The following GABRA3 variants were observed in gnomAD, a reference collection of about 807,000 sequenced individuals.
GABRA3 encodes gamma-aminobutyric acid type A receptor subunit alpha3.
Under a neutral mutation model 30.1 loss-of-function variants are expected in GABRA3, and 10 were observed. The ratio of observed to expected loss-of-function variants is 0.33; its 90% confidence interval spans 0.20 to 0.56. GABRA3 has a LOEUF of 0.56. Among genes scored for constraint, GABRA3 ranks in the 20% least tolerant of loss-of-function variants. The pLI is 0.89. For synonymous variants in GABRA3, 151 were observed against 146.8 expected (o/e 1.03, Z -0.21); for missense variants, 233 against 392.0 (o/e 0.59, Z 3.42).
At chrX:152,373,189 A>C (rs1928891394) in intron 1 of GABRA3, among the ~76,000 whole-genome samples, 1 of 111,773 alleles carries the variant, frequency 8.9e-6, no homozygotes, top group Admixed American at 9.5e-5. Context: ...TGTGTTACAT[A>C]GGTAAACATG....
intron 4 of GABRA3, 128 bp downstream of exon 4, chrX:152,284,540 G>C: frequency 4.7e-6 from 2 of 425,399 alleles, no homozygotes; most frequent in Non-Finnish European, 8.2e-6. Flanking sequence ...GGTGGCGAGG[G>C]TAGGAAATTC....
intron 9 of GABRA3, among the ~76,000 whole-genome samples, chrX:152,178,035 G>C (rs1385584278): frequency 9.0e-6 from 1 of 111,255 alleles, no homozygotes. Flanking sequence ...TACTCAGTAA[G>C]GTAAACAACA....
chrX:152,220,241 A>G (rs529367595), intron 6 of GABRA3, among the ~76,000 whole-genome samples: 10 of 111,757 alleles, frequency 8.9e-5, no homozygotes, highest in African/African-American at 3.2e-4. Flanking sequence ...ACCAACGGCA[A>G]TGATGGATAA....
At chrX:152,217,244 G>A (rs1937740709) in intron 6 of GABRA3, among the ~76,000 whole-genome samples, 1 of 110,995 alleles carries the variant, frequency 9.0e-6, no homozygotes, top group South Asian at 3.7e-4. Context: ...GTCATATTAG[G>A]TTGAATGGTT....
At chrX:152,430,076 T>C (rs1354647500) in intron 1 of GABRA3, among the ~76,000 whole-genome samples, 1 of 112,182 alleles carries the variant, frequency 8.9e-6, no homozygotes, top group Non-Finnish European at 1.9e-5. Context: ...AGGATTATCA[T>C]GTCAAGCTAG....
At chrX:152,235,977 G>A (rs1457008748) in intron 5 of GABRA3, among the ~76,000 whole-genome samples, 3 of 102,351 alleles carry the variant, frequency 2.9e-5, no homozygotes, top group Non-Finnish European at 4.0e-5. Flanking sequence ...TTTTTTTAGG[G>A]TATCTTTATT....
At chrX:152,325,578 C>A (rs1940041189) in intron 3 of GABRA3, among the ~76,000 whole-genome samples, 1 of 112,069 alleles carries the variant, frequency 8.9e-6, no homozygotes, top group Admixed American at 9.5e-5. Context: ...GATACCCAGG[C>A]AAAGAGGGTC....
At position 152,345,322 on chromosome X, in the gene GABRA3, C is replaced by T. The variant is rs143304757; in HGVS notation, c.262+259G>A. On this transcript the variant is annotated intron_variant, in intron 3 of 9. Transcript: ENST00000370314. ...ATAAAGACAAAAATCATACGTCAAA[C>T]CATTGTGAGTCATGGAACATCTGTG... is the stretch of plus-strand genomic sequence containing the variant. Among the ~76,000 whole-genome samples the T allele has an allele frequency of 8.5e-3, 953 of 111,551 alleles. 4 individuals are homozygous for T. Among genetic ancestry groups the T allele is most frequent in the Middle Eastern group, 0.028 (6 of 218 alleles).
chrX:152,308,487 C>T (rs995433356), intron 3 of GABRA3, among the ~76,000 whole-genome samples: 2 of 112,253 alleles, frequency 1.8e-5, no homozygotes, highest in Non-Finnish European at 3.8e-5. Flanking sequence ...AGCAGAGGGC[C>T]TGGTCTCAGC....
At chrX:152,441,528 T>C (rs891703754) in intron 1 of GABRA3, among the ~76,000 whole-genome samples, 1 of 111,724 alleles carries the variant, frequency 9.0e-6, no homozygotes, top group African/African-American at 3.2e-5. Context: ...AAAAATAAGA[T>C]AATCCAGAAA....
chrX:152,386,244 T>G (rs1929306650), intron 1 of GABRA3, among the ~76,000 whole-genome samples: 2 of 109,439 alleles, frequency 1.8e-5, no homozygotes, highest in Admixed American at 9.8e-5. Flanking sequence ...GTTCTTCCAT[T>G]TGTTTGTATC....
Position 152,217,951 on chromosome X carries a change from T to C in GABRA3, c.634+6812A>G, listed in dbSNP as rs1032729725. ...TTTTATTTTCTTTAATTTTTAAAAT[T>C]CTTTATTTTATTTATTTTTACTCTA... On this transcript the variant is annotated intron_variant, in intron 6 of 9. Coordinates refer to ENST00000370314, the MANE Select transcript of GABRA3 (RefSeq NM_000808.4). 2.7e-5 allele frequency among the ~76,000 whole-genome samples: 3 copies of C among 109,558 alleles called. No individual in the cohort carries two copies. The Admixed American group carries it at 2.9e-4, about 11-fold the overall frequency.
At chrX:152,199,161 T>G (rs964478944) in intron 7 of GABRA3, among the ~76,000 whole-genome samples, 2 of 110,094 alleles carry the variant, frequency 1.8e-5, no homozygotes, top group South Asian at 3.9e-4. Context: ...GGTCAGGAGA[T>G]CGAGACCATC....
chrX:152,346,913 A>G (rs1178464184), intron 2 of GABRA3, among the ~76,000 whole-genome samples: 2 of 111,849 alleles, frequency 1.8e-5, no homozygotes, highest in East Asian at 5.6e-4. Flanking sequence ...TAGTACAACC[A>G]CTATGGAGAA....
chrX:152,359,127 G>C (rs181581367), intron 2 of GABRA3, among the ~76,000 whole-genome samples: 1 of 111,728 alleles, frequency 9.0e-6, no homozygotes, highest in East Asian at 2.8e-4. Flanking sequence ...GTTGCAGTAG[G>C]AATGGTACCA....
chrX:152,390,674 A>G (rs142218815), intron 1 of GABRA3, among the ~76,000 whole-genome samples: 1,594 of 112,339 alleles, frequency 0.014, 58 homozygotes, highest in Admixed American at 0.12. Flanking sequence ...CCATTAGACT[A>G]TAACACACAC....
chrX:152,373,054 G>C (rs913766334), intron 1 of GABRA3, among the ~76,000 whole-genome samples: 1 of 111,796 alleles, frequency 8.9e-6, no homozygotes. Context: ...CCTCCTTGAA[G>C]CCTCCCGACA....
At chrX:152,199,109 G>C (rs147745973) in intron 7 of GABRA3, among the ~76,000 whole-genome samples, 1 of 111,489 alleles carries the variant, frequency 9.0e-6, no homozygotes, top group Admixed American at 9.5e-5. Flanking sequence ...AAGCCTGCCT[G>C]TAATCCCAGC....
At chrX:152,301,822 G>A (rs1023176373) in intron 3 of GABRA3, among the ~76,000 whole-genome samples, 3 of 111,291 alleles carry the variant, frequency 2.7e-5, no homozygotes, top group Admixed American at 9.6e-5. Context: ...GTGAGCCACC[G>A]TGCCCAGCCA....
Sources: allele counts gnomAD v4.1 joint callset (sites outside exome capture counted in the v4.1 genomes callset), GRCh38; gene constraint gnomAD v4.1.1; transcripts MANE v1.5; gene names NCBI Gene and HGNC (gene_info 2026-07-23, HGNC 2026-07-21).